The following DMXL1 variants were observed in gnomAD, a reference collection of about 807,000 sequenced individuals.
DMXL1 encodes the protein dmX-like protein 1.
In DMXL1, 99 loss-of-function variants were observed where a neutral mutation model predicts 319.2. That is an observed-to-expected ratio of 0.31 (90% CI 0.26 to 0.37). DMXL1 has a LOEUF of 0.37. Among genes scored for constraint, DMXL1 ranks in the 10% least tolerant of loss-of-function variants. The pLI, the probability that DMXL1 is intolerant of heterozygous loss-of-function variation, is 1.00. For missense variants in DMXL1, 3,745 were observed against 3,595.6 expected (o/e 1.04, Z -1.06); for synonymous variants, 1,385 against 1,235.2 (o/e 1.12, Z -2.54).
chr5:119,090,811 C>T (rs982147612), intron 1 of DMXL1, among the ~76,000 whole-genome samples: 6 of 151,516 alleles, frequency 4.0e-5, no homozygotes, highest in East Asian at 2.0e-4. Flanking sequence ...GTGATCAGCC[C>T]GCCTTGGCCT....
At chr5:119,232,808 TA>T (rs562400763) in intron 38 of DMXL1, among the ~76,000 whole-genome samples, 345 of 137,622 alleles carry the variant, frequency 2.5e-3, no homozygotes, top group Non-Finnish European at 2.7e-3. Context: ...ACCCTGTCTC[TA>T]AAAAAAAAAA....
intron 1 of DMXL1, among the ~76,000 whole-genome samples, chr5:119,091,982 G>C (rs1239987103): frequency 6.6e-6 from 1 of 152,188 alleles, no homozygotes; most frequent in Non-Finnish European, 1.5e-5. Flanking sequence ...GGCTGGGACA[G>C]ATATTCTGCT....
intron 35 of DMXL1, 148 bp downstream of exon 35, chr5:119,217,135 T>G (rs945255588): frequency 4.1e-6 from 2 of 489,862 alleles, no homozygotes; most frequent in African/African-American, 4.1e-5. Context: ...TTTTATAAAA[T>G]GATATTATTT....
At chr5:119,072,188 A>G (rs1290713386) in intron 1 of DMXL1, among the ~76,000 whole-genome samples, 1 of 151,916 alleles carries the variant, frequency 6.6e-6, no homozygotes, top group African/African-American at 2.4e-5. Context: ...CTTCGGAAAG[A>G]AAAAAAAGCC....
At chr5:119,085,014 CAA>C (rs1753045464) in intron 1 of DMXL1, among the ~76,000 whole-genome samples, 1 of 151,892 alleles carries the variant, frequency 6.6e-6, no homozygotes, top group South Asian at 2.1e-4. Context: ...TTTCCTTGTA[CAA>C]ATCTTTCACT....
intron 13 of DMXL1, among the ~76,000 whole-genome samples, chr5:119,137,344 C>T (rs1766245520): frequency 6.6e-6 from 1 of 152,206 alleles, no homozygotes; most frequent in Non-Finnish European, 1.5e-5. Flanking sequence ...ATTTTACAGG[C>T]TCATAGGCAG....
chr5:119,159,970 T>C (rs1478205803), intron 19 of DMXL1, among the ~76,000 whole-genome samples: 5 of 152,206 alleles, frequency 3.3e-5, no homozygotes, highest in Non-Finnish European at 7.3e-5. Context: ...ATATTTATCT[T>C]TCCAGAAAAC....
At chr5:119,246,764 G>A (rs1409653148) in intron 43 of DMXL1, among the ~76,000 whole-genome samples, 1 of 151,450 alleles carries the variant, frequency 6.6e-6, no homozygotes, top group African/African-American at 2.4e-5. Context: ...CTCCTGAGTA[G>A]CTGGGATTAC....
intron 1 of DMXL1, among the ~76,000 whole-genome samples, chr5:119,075,241 C>CTTTTTTTTTTT (rs201088042): frequency 8.2e-6 from 1 of 122,676 alleles, no homozygotes; most frequent in Non-Finnish European, 1.7e-5. Flanking sequence ...CTTTTTTTTT[C>CTTTTTTTTTTT]TTTTTTTTTT....
chr5:119,128,363 A>G, intron 9 of DMXL1: 1 of 281,098 alleles, frequency 3.6e-6, no homozygotes. Context: ...AATCCCACGT[A>G]GACTTCAGGG....
At chr5:119,195,989 C>A (rs2150404001) in intron 30 of DMXL1, among the ~76,000 whole-genome samples, 1 of 152,168 alleles carries the variant, frequency 6.6e-6, no homozygotes, top group Non-Finnish European at 1.5e-5. Flanking sequence ...AATTTATTCC[C>A]CCTGCTTTCT....
intron 38 of DMXL1, 128 bp downstream of exon 38, chr5:119,224,897 C>T (rs575694777): frequency 3.8e-4 from 142 of 369,016 alleles, no homozygotes; most frequent in African/African-American, 2.7e-3. Context: ...TTTTTTCTAG[C>T]GAATATTTGC....
chr5:119,191,799 C>A (rs1378896196), intron 29 of DMXL1, among the ~76,000 whole-genome samples: 2 of 152,140 alleles, frequency 1.3e-5, no homozygotes, highest in African/African-American at 4.8e-5. Flanking sequence ...CCCTGCTGAC[C>A]CTGGTGGAAC....
At chr5:119,168,853 C>T (rs938910250) in intron 23 of DMXL1, among the ~76,000 whole-genome samples, 2 of 151,956 alleles carry the variant, frequency 1.3e-5, no homozygotes, top group East Asian at 3.9e-4. Context: ...GTGCCTGGCC[C>T]CCTTTCCCTT....
In DMXL1 at chr5:119,170,477, A is replaced by T. The variant is rs549105567; in HGVS notation, c.5686A>T (p.Ser1896Cys). The T allele has an allele frequency of 2.2e-5, 36 of 1,613,720 alleles. No individual in the cohort carries two copies. In the Admixed American group the frequency reaches 5.0e-4, roughly 22 times the overall value. ...AACAAGACCTTTTTATAGGGCTTCTAGTTTTCTGGATACTAGTAAAGACTG... is the reference window on the plus strand; with the variant it reads ...AACAAGACCTTTTTATAGGGCTTCTTGTTTTCTGGATACTAGTAAAGACTG... ...KKTRPFYRASSFLDTSKDCSP... is the reference protein window; with the variant it reads ...KKTRPFYRASCFLDTSKDCSP... Residue 1896 changes from serine to cysteine, a missense_variant, in exon 24 of 44, where the codon AGT becomes TGT. This residue lies in a region of DMXL1 where 1,382 missense variants were observed against 1,269.5 expected (regional missense o/e 1.09). Coordinates refer to ENST00000539542, the MANE Select transcript of DMXL1 (RefSeq NM_001290321.3).
chr5:119,121,178 A>C (rs909578266), intron 9 of DMXL1, 39 bp downstream of exon 9: 1 of 1,504,630 alleles, frequency 6.6e-7, no homozygotes, highest in South Asian at 1.4e-5. Context: ...CTGAAATTGA[A>C]TAGATTGATT....
At chr5:119,160,845 G>A (rs1014034016) in intron 19 of DMXL1, among the ~76,000 whole-genome samples, 2 of 151,696 alleles carry the variant, frequency 1.3e-5, no homozygotes, top group African/African-American at 4.8e-5. Flanking sequence ...TTCTATTTCG[G>A]TTTCTATTTG....
At chr5:119,087,725 A>G (rs961242694) in intron 1 of DMXL1, among the ~76,000 whole-genome samples, 17 of 152,094 alleles carry the variant, frequency 1.1e-4, no homozygotes, top group African/African-American at 3.6e-4. Context: ...AGATCTGTCT[A>G]TTACTGAGAG....
intron 9 of DMXL1, among the ~76,000 whole-genome samples, chr5:119,124,609 A>C (rs953373968): frequency 1.4e-5 from 2 of 139,494 alleles, no homozygotes; most frequent in African/African-American, 5.6e-5. Context: ...CTCTGTCGCC[A>C]AGCTGGAGTG....
Sources: gnomAD v4.1 joint callset for allele counts (sites outside exome capture counted in the v4.1 genomes callset) on GRCh38, gnomAD v4.1.1 for gene constraint, gnomAD v4.1.1 regional missense constraint, MANE v1.5 for transcripts, NCBI Gene and HGNC (gene_info 2026-07-23, HGNC 2026-07-21) for gene names.